Variants in POMGNT1 observed in about 807,000 individuals in gnomAD.
POMGNT1 encodes protein O-linked-mannose beta-1,2-N-acetylglucosaminyltransferase 1.
Under a neutral mutation model 95.6 loss-of-function variants are expected in POMGNT1, and 67 were observed. The ratio of observed to expected loss-of-function variants is 0.70; its 90% CI spans 0.58 to 0.86. The LOEUF (loss-of-function observed/expected upper bound fraction) is 0.86, where lower values mean the gene tolerates loss of function less well. Among genes scored for constraint, POMGNT1 ranks in the 40% least tolerant of loss-of-function variants. POMGNT1 has a pLI of 0.00. For missense variants in POMGNT1, 719 were observed against 855.2 expected (o/e 0.84, Z 1.99); for synonymous variants, 298 against 317.9 (o/e 0.94, Z 0.66).
In POMGNT1 at chr1:46,195,680, TGA is replaced by T. The variant is rs141121027; in HGVS notation, c.534+129_534+130del. On this transcript the variant is annotated intron_variant, in intron 6 of 21. Transcript: ENST00000371984. ...GCTGAATTAATACAAATGTTAAGGC[TGA>T]GATTGGAACCTGAGTAACCTTCCTT... The T allele has an allele frequency of 3.0e-4, 257 of 851,892 alleles. 1 individual carries two copies. The African/African-American group carries it at 3.7e-3, about 12-fold the overall frequency. 52.8% of individuals were successfully genotyped at this position (851,892 alleles called of 1,614,324 possible).
chr1:46,212,281 A>ATTT, intron 1 of POMGNT1, among the ~76,000 whole-genome samples: 1 of 143,540 alleles, frequency 7.0e-6, no homozygotes, highest in African/African-American at 2.5e-5. Flanking sequence ...AACCATGTAA[A>ATTT]TTTTTTTTTT....
chr1:46,189,797 G>C, intron 20 of POMGNT1, 57 bp downstream of exon 20: 1 of 1,609,370 alleles, frequency 6.2e-7, no homozygotes, highest in African/African-American at 1.3e-5. Flanking sequence ...CTGGATCTTG[G>C]GGCAGTATGT....
chr1:46,199,266 G>T (rs1416078507), upstream of POMGNT1, among the ~76,000 whole-genome samples: 1 of 152,154 alleles, frequency 6.6e-6, no homozygotes, highest in Admixed American at 6.5e-5. Flanking sequence ...TATCCCTGTC[G>T]CAGATAAAGA....
At chr1:46,194,744 C>A in intron 7 of POMGNT1, 93 bp from the exon 8 acceptor site, 5 of 1,613,860 alleles carry the variant, frequency 3.1e-6, no homozygotes, top group Non-Finnish European at 4.2e-6. Flanking sequence ...CAACCCACTG[C>A]CACTGGCTCC....
In POMGNT1 at chr1:46,195,837, C is replaced by T. The variant is rs1164265990; in HGVS notation, c.508G>A (p.Gly170Ser). 2.1e-5 allele frequency: 33 copies of T among 1,604,826 alleles called. No homozygotes were observed. The highest frequency in any genetic ancestry group is 2.7e-5 in the Non-Finnish European group (32 of 1,175,072). ...TTGACAGTGCAGATGAGCACTCGGC[C>T]GGGCGCTACCATGTTGAGGAATAGC... The part of the protein sequence containing the change: ...MVLFLNMVAP[G>S]RVLICTVKDE... Residue 170 changes from glycine to serine, a missense_variant, in exon 6 of 22, where the codon GGC becomes AGC. Gly to Ser is a moderately conservative substitution (Grantham distance 56). This residue lies in a region of POMGNT1 where 466 missense variants were observed against 517.4 expected (regional missense o/e 0.90). Transcript: ENST00000371984.
At chr1:46,202,920 G>GTGGTGTGTGTGT (rs540959987), upstream of POMGNT1, among the ~76,000 whole-genome samples, 7 of 64,514 alleles carry the variant, frequency 1.1e-4, no homozygotes, top group East Asian at 1.7e-3. Flanking sequence ...GGGGGGGGGT[G>GTGGTGTGTGTGT]GTGTGTGTGT....
At chr1:46,211,772 T>C (rs1463516477) in intron 1 of POMGNT1, among the ~76,000 whole-genome samples, 1 of 152,150 alleles carries the variant, frequency 6.6e-6, no homozygotes, top group Non-Finnish European at 1.5e-5. Context: ...AATATATATA[T>C]ATATTTTTTT....
At chr1:46,202,357 T>C (rs558593746), upstream of POMGNT1, among the ~76,000 whole-genome samples, 2 of 152,102 alleles carry the variant, frequency 1.3e-5, no homozygotes, top group African/African-American at 4.8e-5. Context: ...TTACTTGAAG[T>C]GTGGACCAGC....
chr1:46,192,763 C>T (rs763853149), intron 14 of POMGNT1, 137 bp downstream of exon 14: 7 of 1,580,594 alleles, frequency 4.4e-6, no homozygotes, highest in Non-Finnish European at 6.1e-6. Flanking sequence ...GCAGCCCCAA[C>T]ACCTGCCATC....
chr1:46,219,576 G>T (rs1359784638), intron 1 of POMGNT1: 1 of 1,103,268 alleles, frequency 9.1e-7, no homozygotes, highest in Non-Finnish European at 1.3e-6. Context: ...ACTGCAAGCC[G>T]TTATAATTCC....
At chr1:46,191,993 A>C in intron 17 of POMGNT1, 105 bp downstream of exon 17, 1 of 1,465,484 alleles carries the variant, frequency 6.8e-7, no homozygotes, top group Non-Finnish European at 9.4e-7. Flanking sequence ...TCTTTCCCCA[A>C]GGTTACATGG....
chr1:46,190,716 C>T lies in POMGNT1; in HGVS notation c.1604+4G>A. The T allele has an allele frequency of 6.2e-7, 1 of 1,612,540 alleles. No homozygotes were observed. Among genetic ancestry groups the T allele is most frequent in the Non-Finnish European group, 8.5e-7 (1 of 1,179,092 alleles). The stretch of plus-strand genomic sequence containing the variant: ...CCACCCCTTGCCCTGCTGCCAGCCC[C>T]AACCTGTCCACATTCCTGAGCTGGA... On this transcript the variant is annotated splice_donor_region_variant and intron_variant, in intron 18 of 21. Coordinates refer to ENST00000371984, the MANE Select transcript of POMGNT1 (RefSeq NM_017739.4).
chr1:46,195,869 GCCTCAT>G lies in POMGNT1; in HGVS notation c.470_475del (p.Asp157_Glu158del). The stretch of plus-strand genomic sequence containing the variant: ...TACCATGTTGAGGAATAGCACCATG[GCCTCAT>G]CCTCATGAGGTGAGTACGTGTCAAA... On this transcript the variant is annotated inframe_deletion, in exon 6 of 22. Transcript: ENST00000371984. 1.2e-6 allele frequency: 2 copies of G among 1,613,068 alleles called. No homozygotes were observed. Among genetic ancestry groups the G allele is most frequent in the Non-Finnish European group, 1.7e-6 (2 of 1,179,558 alleles).
upstream of POMGNT1, among the ~76,000 whole-genome samples, chr1:46,201,697 C>CAAAA (rs59930051): frequency 2.3e-5 from 2 of 85,958 alleles, no homozygotes; most frequent in Non-Finnish European, 4.7e-5. Context: ...GACTCCATCT[C>CAAAA]AAAAAAAAAA....
chr1:46,193,250 T>C (rs1485190383), intron 12 of POMGNT1, 35 bp from the exon 13 acceptor site: 4 of 1,613,944 alleles, frequency 2.5e-6, no homozygotes, highest in African/African-American at 1.3e-5. Context: ...ACATGAGCTT[T>C]AGGGTAGAAG....
intron 1 of POMGNT1, among the ~76,000 whole-genome samples, chr1:46,214,445 G>C (rs996393857): frequency 6.6e-6 from 1 of 152,056 alleles, no homozygotes; most frequent in Non-Finnish European, 1.5e-5. Context: ...TATCCTTAAA[G>C]AGATAAAAGA....
chr1:46,217,730 A>G (rs1188295991), intron 1 of POMGNT1, among the ~76,000 whole-genome samples: 4 of 152,028 alleles, frequency 2.6e-5, no homozygotes, highest in African/African-American at 7.2e-5. Context: ...GGTAGGTGAT[A>G]CTTGTAATCC....
At chr1:46,195,574 T>C in intron 6 of POMGNT1, 1 of 585,988 alleles carries the variant, frequency 1.7e-6, no homozygotes, top group East Asian at 3.2e-5. Context: ...TCCATGAGGG[T>C]GGGGACTCTG....
intron 7 of POMGNT1, 80 bp from the exon 8 acceptor site, chr1:46,194,731 A>G: frequency 6.2e-7 from 1 of 1,613,958 alleles, no homozygotes; most frequent in Non-Finnish European, 8.5e-7. Context: ...GCCTACTTTC[A>G]TCCAACCCAC....
Sources: allele counts gnomAD v4.1 joint callset (sites outside exome capture counted in the v4.1 genomes callset), GRCh38; gene constraint gnomAD v4.1.1; regional missense constraint gnomAD v4.1.1; transcripts MANE v1.5; gene names NCBI Gene and HGNC (gene_info 2026-07-23, HGNC 2026-07-21).